Variants in NTM observed in about 807,000 individuals in gnomAD.
The protein encoded by NTM is IgLON family member 2.
In NTM, 13 loss-of-function variants were observed where a neutral mutation model predicts 42.1. The ratio of observed to expected loss-of-function variants is 0.31; its 90% CI spans 0.20 to 0.49. The LOEUF (loss-of-function observed/expected upper bound fraction) is 0.49. Ranked by LOEUF, NTM falls within the 20% of genes least tolerant of loss-of-function variation. NTM has a pLI of 0.99. For missense variants in NTM, 373 were observed against 452.8 expected (o/e 0.82, Z 1.60); for synonymous variants, 187 against 179.2 (o/e 1.04, Z -0.35).
At chr11:132,150,637 G>A (rs1337272083) in intron 3 of NTM, among the ~76,000 whole-genome samples, 1 of 151,942 alleles carries the variant, frequency 6.6e-6, no homozygotes, top group Non-Finnish European at 1.5e-5. Context: ...GGATTTCCTA[G>A]GTTAGCTTCA....
chr11:131,501,020 G>A (rs1389583178), intron 1 of NTM, among the ~76,000 whole-genome samples: 1 of 151,878 alleles, frequency 6.6e-6, no homozygotes, highest in Non-Finnish European at 1.5e-5. Flanking sequence ...AAGTGGTGGA[G>A]CTAGAAGTCA....
chr11:132,005,881 C>G lies in NTM; in HGVS notation c.167+94233C>G, dbSNP rs147468568. Among the ~76,000 whole-genome samples the G allele has an allele frequency of 2.5e-4, 38 of 152,228 alleles. No individual in the cohort carries two copies. In the East Asian group the frequency reaches 5.8e-3, roughly 23 times the overall value. On this transcript the variant is annotated intron_variant, in intron 2 of 8. Coordinates refer to ENST00000683400, the MANE Select transcript of NTM (RefSeq NM_001352005.2). ...TCCTGTTTCCCTAAAGAAAATGCTTCTTTTTTGTTAGAAAATTTTAAAACA... is the reference window on the plus strand; with the variant it reads ...TCCTGTTTCCCTAAAGAAAATGCTTGTTTTTTGTTAGAAAATTTTAAAACA...
At chr11:131,900,712 G>A (rs927148313) in intron 1 of NTM, among the ~76,000 whole-genome samples, 6 of 152,086 alleles carry the variant, frequency 3.9e-5, no homozygotes, top group Non-Finnish European at 8.8e-5. Context: ...GTGATAAGAG[G>A]GAAGAGATTA....
chr11:132,006,305 A>G (rs1406480413), intron 2 of NTM, among the ~76,000 whole-genome samples: 1 of 152,196 alleles, frequency 6.6e-6, no homozygotes, highest in African/African-American at 2.4e-5. Context: ...TAACAGAAAC[A>G]GTTTTATTTG....
chr11:131,820,814 C>A (rs1036979075), intron 1 of NTM, among the ~76,000 whole-genome samples: 1 of 152,194 alleles, frequency 6.6e-6, no homozygotes, highest in African/African-American at 2.4e-5. Context: ...TGATCAATCA[C>A]AATGTTGTAC....
intron 1 of NTM, among the ~76,000 whole-genome samples, chr11:131,576,541 A>G (rs1327426275): frequency 6.6e-6 from 1 of 152,158 alleles, no homozygotes; most frequent in African/African-American, 2.4e-5. Context: ...AACTAGACAC[A>G]CTGGAGAGGC....
chr11:132,093,191 C>G (rs548438248), intron 2 of NTM, among the ~76,000 whole-genome samples: 25 of 152,292 alleles, frequency 1.6e-4, no homozygotes, highest in South Asian at 4.1e-4. Flanking sequence ...CCTATTCACT[C>G]TGTACCTCTC....
chr11:131,652,967 C>T lies in NTM; in HGVS notation c.83-258597C>T, dbSNP rs1321272089. Among the ~76,000 whole-genome samples the T allele has an allele frequency of 2.6e-5, 4 of 152,214 alleles. No individual in the cohort carries two copies. The South Asian group carries it at 8.3e-4, about 32-fold the overall frequency. On this transcript the variant is annotated intron_variant, in intron 1 of 8. Coordinates refer to ENST00000683400, the MANE Select transcript of NTM (RefSeq NM_001352005.2). ...CCTGCCAGATTGTTGACGGAAGCAACCTTATTACCAGTCTCCAAAACATCT... is the reference window on the plus strand; with the variant it reads ...CCTGCCAGATTGTTGACGGAAGCAATCTTATTACCAGTCTCCAAAACATCT...
chr11:132,203,764 T>A (rs2138514344), intron 3 of NTM, among the ~76,000 whole-genome samples: 1 of 152,112 alleles, frequency 6.6e-6, no homozygotes, highest in East Asian at 1.9e-4. Context: ...CTGGGCTTGG[T>A]TTCAGGTGCC....
intron 1 of NTM, among the ~76,000 whole-genome samples, chr11:131,441,626 G>T (rs904395890): frequency 6.6e-6 from 1 of 152,116 alleles, no homozygotes; most frequent in African/African-American, 2.4e-5. Flanking sequence ...GATATATCTC[G>T]TGTCAGGTAT....
At chr11:132,103,934 G>T (rs1290771531) in intron 2 of NTM, among the ~76,000 whole-genome samples, 3 of 152,162 alleles carry the variant, frequency 2.0e-5, no homozygotes, top group Non-Finnish European at 4.4e-5. Context: ...GCAGACCTAG[G>T]CATAGCACCT....
At chr11:131,413,008 C>A (rs1004892164) in intron 1 of NTM, among the ~76,000 whole-genome samples, 1 of 152,124 alleles carries the variant, frequency 6.6e-6, no homozygotes, top group African/African-American at 2.4e-5. Flanking sequence ...CCAGCAAGAC[C>A]TTACACTGCC....
intron 2 of NTM, among the ~76,000 whole-genome samples, chr11:131,985,077 C>G (rs968228205): frequency 2.0e-4 from 30 of 152,246 alleles, no homozygotes; most frequent in African/African-American, 7.2e-4. Flanking sequence ...ATTCCCTCCC[C>G]CTTCATTTGC....
intron 1 of NTM, among the ~76,000 whole-genome samples, chr11:131,822,841 A>T (rs1433382572): frequency 6.6e-6 from 1 of 151,920 alleles, no homozygotes; most frequent in African/African-American, 2.4e-5. Flanking sequence ...TGCTTCTCAA[A>T]AAAAGCGGCT....
chr11:132,140,686 G>C (rs187185646), intron 2 of NTM, among the ~76,000 whole-genome samples: 2 of 152,330 alleles, frequency 1.3e-5, no homozygotes, highest in Admixed American at 1.3e-4. Flanking sequence ...GAAGTATCCT[G>C]TTTTGTTAAT....
At chr11:131,890,527 G>A (rs1007623888) in intron 1 of NTM, among the ~76,000 whole-genome samples, 1 of 152,178 alleles carries the variant, frequency 6.6e-6, no homozygotes, top group African/African-American at 2.4e-5. Flanking sequence ...TTTTTGTAAG[G>A]CAAAGTTTCA....
At chr11:131,960,694 G>C (rs1437706716) in intron 2 of NTM, among the ~76,000 whole-genome samples, 1 of 152,190 alleles carries the variant, frequency 6.6e-6, no homozygotes, top group Non-Finnish European at 1.5e-5. Flanking sequence ...TCATGAAGAG[G>C]ATTTATGGAG....
chr11:132,327,779 CT>C (rs1027483767), intron 7 of NTM, among the ~76,000 whole-genome samples: 13 of 152,074 alleles, frequency 8.5e-5, no homozygotes, highest in Admixed American at 2.6e-4. Flanking sequence ...TTCTGTCCCC[CT>C]CTCCCCTTTC....
In NTM at chr11:132,146,471, A is replaced by T; in HGVS notation, c.357A>T (p.Thr119=). 6.2e-7 allele frequency: 1 copy of T among 1,614,220 alleles called. No individual in the cohort carries two copies. Among genetic ancestry groups the T allele is most frequent in the Non-Finnish European group, 8.5e-7 (1 of 1,180,038 alleles). Residue 119 remains threonine, a synonymous_variant, in exon 3 of 9, where the codon ACA becomes ACT. Transcript: ENST00000683400. This position sits in a 1 kb window ranked among gnomAD's most constrained non-coding sequence, Gnocchi z 4.5. ...DEGPYTCSVQ[T]DNHPKTSRVH... is the part of the protein sequence containing the mutation. ...GCCCTTACACCTGCTCGGTGCAGAC[A>T]GACAACCACCCAAAGACCTCTAGGG... is the stretch of plus-strand genomic sequence containing the variant.
Sources: gnomAD v4.1 joint callset for allele counts (sites outside exome capture counted in the v4.1 genomes callset) on GRCh38, gnomAD v4.1.1 for gene constraint, Gnocchi (gnomAD v3.1) non-coding constraint, MANE v1.5 for transcripts, NCBI Gene and HGNC (gene_info 2026-07-23, HGNC 2026-07-21) for gene names.